The following AP4E1 variants were observed in gnomAD, a reference collection of about 807,000 sequenced individuals.
The protein encoded by AP4E1 is adaptor related protein complex 4 subunit epsilon 1, also known as AP-4 complex subunit epsilon-1.
A neutral mutation model predicts 128.2 loss-of-function variants in AP4E1; 56 were observed. The observed-to-expected ratio is 0.44, with a 90% CI of 0.35 to 0.55. The LOEUF is 0.55. AP4E1 is among the 20% of genes least tolerant of loss of function. AP4E1 has a pLI of 0.00. For missense variants in AP4E1, 1,324 were observed against 1,307.7 expected, an observed-to-expected ratio of 1.01 and a Z score of -0.19; for synonymous variants, 484 against 473.1, an observed-to-expected ratio of 1.02 and a Z score of -0.30.
At chr15:50,991,243 G>A (rs1277182362) in intron 16 of AP4E1, among the ~76,000 whole-genome samples, 3 of 152,192 alleles carry the variant, frequency 2.0e-5, no homozygotes, top group African/African-American at 7.2e-5. Flanking sequence ...GATCCGGATG[G>A]AGCAGCCCAT....
At chr15:50,963,094 A>G (rs531555053) in intron 14 of AP4E1, among the ~76,000 whole-genome samples, 5 of 152,116 alleles carry the variant, frequency 3.3e-5, no homozygotes, top group South Asian at 2.1e-4. Context: ...ACAAAAAATA[A>G]CAAATGTTGC....
chr15:50,980,212 A>C (rs1014902532), intron 15 of AP4E1, among the ~76,000 whole-genome samples: 1 of 152,214 alleles, frequency 6.6e-6, no homozygotes, highest in Non-Finnish European at 1.5e-5. Context: ...CCCAGACAGG[A>C]AAGAGGAATA....
chr15:50,956,025 C>T (rs932557458), intron 13 of AP4E1, among the ~76,000 whole-genome samples: 10 of 152,316 alleles, frequency 6.6e-5, no homozygotes, highest in Admixed American at 1.3e-4. Flanking sequence ...TGCCCATTGG[C>T]ATTTCCAGGT....
intron 3 of AP4E1, among the ~76,000 whole-genome samples, chr15:50,917,688 C>T (rs1314887362): frequency 2.0e-5 from 3 of 152,198 alleles, no homozygotes; most frequent in African/African-American, 7.2e-5. Flanking sequence ...ATGCCAGATA[C>T]TGCAGTTAAA....
intron 14 of AP4E1, among the ~76,000 whole-genome samples, chr15:50,967,699 A>G (rs2064412291): frequency 6.6e-6 from 1 of 152,214 alleles, no homozygotes; most frequent in Non-Finnish European, 1.5e-5. Flanking sequence ...GCTCAAAAAT[A>G]TATTCTCCAC....
At chr15:50,910,953 C>T (rs556818640) in intron 1 of AP4E1, among the ~76,000 whole-genome samples, 48 of 152,360 alleles carry the variant, frequency 3.2e-4, no homozygotes, top group Non-Finnish European at 5.3e-4. Context: ...TGAGCCACCA[C>T]GCCTGGCCAT....
chr15:50,928,668 C>T (rs1315497138), intron 5 of AP4E1, among the ~76,000 whole-genome samples: 7 of 147,736 alleles, frequency 4.7e-5, no homozygotes, highest in Non-Finnish European at 7.4e-5. Context: ...TTTAGAGATA[C>T]GTCTTTTAAA....
At chr15:50,920,705 G>A (rs563584752) in intron 3 of AP4E1, among the ~76,000 whole-genome samples, 1 of 151,662 alleles carries the variant, frequency 6.6e-6, no homozygotes, top group East Asian at 2.0e-4. Context: ...GCCATTTTAT[G>A]CCTTCTACAT....
chr15:50,936,968 C>T (rs1366860773), intron 8 of AP4E1, among the ~76,000 whole-genome samples: 1 of 152,052 alleles, frequency 6.6e-6, no homozygotes, highest in African/African-American at 2.4e-5. Flanking sequence ...CTTGAACCAA[C>T]ACCAACAGTT....
chr15:50,953,675 T>C (rs962921760), intron 13 of AP4E1, among the ~76,000 whole-genome samples: 5 of 152,162 alleles, frequency 3.3e-5, no homozygotes, highest in African/African-American at 1.2e-4. Context: ...AGCACAAGAG[T>C]TGCGATGCTG....
At chr15:50,910,025 C>T (rs931935966) in intron 1 of AP4E1, among the ~76,000 whole-genome samples, 4 of 152,240 alleles carry the variant, frequency 2.6e-5, no homozygotes, top group South Asian at 2.1e-4. Flanking sequence ...CTCGCTCTGT[C>T]GCCCAGGCTG....
chr15:50,910,804 C>T (rs1397661908), intron 1 of AP4E1, among the ~76,000 whole-genome samples: 5 of 152,148 alleles, frequency 3.3e-5, no homozygotes, highest in East Asian at 1.9e-4. Context: ...TACAGGCACA[C>T]GTCACCATAC....
At chr15:51,000,191 G>A (rs2064941903) in intron 19 of AP4E1, among the ~76,000 whole-genome samples, 1 of 138,822 alleles carries the variant, frequency 7.2e-6, no homozygotes, top group Admixed American at 7.8e-5. Context: ...CACCCAGGCT[G>A]GAGTGCAGTG....
At chr15:50,912,929 A>C (rs994532651) in intron 2 of AP4E1, among the ~76,000 whole-genome samples, 1 of 152,064 alleles carries the variant, frequency 6.6e-6, no homozygotes, top group South Asian at 2.1e-4. Context: ...CTCCTAAATC[A>C]AAGTACTAGG....
At chr15:50,912,881 A>G (rs1445527427) in intron 2 of AP4E1, among the ~76,000 whole-genome samples, 1 of 152,004 alleles carries the variant, frequency 6.6e-6, no homozygotes, top group Non-Finnish European at 1.5e-5. Context: ...CCAGGCTAGT[A>G]TCGCACTCCT....
At chr15:50,918,189 A>G (rs2063652564) in intron 3 of AP4E1, 1 of 152,246 alleles carries the variant, frequency 6.6e-6, no homozygotes, top group Non-Finnish European at 1.5e-5. Context: ...CAGGCATACA[A>G]ATGACCATGG....
intron 13 of AP4E1, among the ~76,000 whole-genome samples, chr15:50,951,654 A>G (rs191678220): frequency 6.7e-4 from 102 of 151,500 alleles, no homozygotes; most frequent in African/African-American, 2.4e-3. Context: ...TTCTTTTCTC[A>G]TCTGCAGAAA....
Position 50,958,400 on chromosome 15 carries a change from C to T in AP4E1, c.1549-92C>T, listed in dbSNP as rs527570474. On this transcript the variant is annotated intron_variant, in intron 13 of 20. Coordinates refer to ENST00000261842, the MANE Select transcript of AP4E1 (RefSeq NM_007347.5). ...GAGGATGTTTAATCTACTTTAAATT[C>T]ACTCTAGCAGTAGGTACTTTGTTTA... The T allele has an allele frequency of 8.2e-5, 86 of 1,043,248 alleles. 1 individual carries two copies. The South Asian group carries it at 1.3e-3, about 16-fold the overall frequency. 64.6% of individuals were successfully genotyped at this position (1,043,248 alleles called of 1,614,324 possible).
chr15:50,983,138 C>T (rs2140913378), intron 15 of AP4E1, among the ~76,000 whole-genome samples: 1 of 152,156 alleles, frequency 6.6e-6, no homozygotes, highest in East Asian at 1.9e-4. Context: ...CAGAAGTAGG[C>T]AATGTAGGGT....
Sources: allele counts gnomAD v4.1 joint callset (sites outside exome capture counted in the v4.1 genomes callset), GRCh38; gene constraint gnomAD v4.1.1; transcripts MANE v1.5; gene names NCBI Gene and HGNC (gene_info 2026-07-23, HGNC 2026-07-21).